Variants in PRKG1 observed in about 807,000 individuals in gnomAD.
PRKG1 encodes protein kinase cGMP-dependent 1.
In PRKG1, 35 loss-of-function variants were observed where a neutral mutation model predicts 88.1. The observed-to-expected ratio is 0.40, with a 90% CI of 0.30 to 0.53. The LOEUF (loss-of-function observed/expected upper bound fraction) is 0.53, where lower values mean the gene tolerates loss of function less well. Ranked by LOEUF, PRKG1 falls within the 20% of genes least tolerant of loss-of-function variation. PRKG1 has a pLI of 0.59. For synonymous variants in PRKG1, 303 were observed against 292.5 expected (o/e 1.04, Z -0.37); for missense variants, 540 against 839.8 (o/e 0.64, Z 4.41).
intron 1 of PRKG1, among the ~76,000 whole-genome samples, chr10:50,992,978 T>G (rs1005114879): frequency 2.6e-5 from 4 of 152,162 alleles, no homozygotes; most frequent in Non-Finnish European, 5.9e-5. Context: ...TCCCCCTCTC[T>G]CCGTTTAGCT....
chr10:52,083,606 A>G (rs1164770920), intron 7 of PRKG1, among the ~76,000 whole-genome samples: 1 of 152,076 alleles, frequency 6.6e-6, no homozygotes, highest in Admixed American at 6.6e-5. Flanking sequence ...TTATTCATGT[A>G]AAATTGCCGC....
chr10:52,133,712 C>A (rs2132635003), intron 7 of PRKG1, 128 bp from the exon 8 acceptor site: 10 of 712,482 alleles, frequency 1.4e-5, no homozygotes, highest in Non-Finnish European at 6.6e-6. Flanking sequence ...ATAAACAAAG[C>A]TTAAGCCTGG....
At chr10:51,689,914 A>G (rs561933084) in intron 3 of PRKG1, among the ~76,000 whole-genome samples, 2 of 152,340 alleles carry the variant, frequency 1.3e-5, no homozygotes, top group South Asian at 4.1e-4. Flanking sequence ...ACATTGGTAT[A>G]CTTAAGGCTT....
At chr10:51,650,861 A>T (rs538414809) in intron 3 of PRKG1, among the ~76,000 whole-genome samples, 1 of 152,074 alleles carries the variant, frequency 6.6e-6, no homozygotes, top group South Asian at 2.1e-4. Flanking sequence ...GTTCAACTGG[A>T]CTCATCAGTT....
rs528137248 is a variant in PRKG1 at position 51,132,997 on chromosome 10, T to C, written c.312-20167T>C. 9.2e-5 allele frequency among the ~76,000 whole-genome samples: 14 copies of C among 152,066 alleles called. No homozygotes were observed. The South Asian group carries it at 1.7e-3, about 18-fold the overall frequency. On this transcript the variant is annotated intron_variant, in intron 1 of 17. Transcript: ENST00000373980. The stretch of plus-strand genomic sequence containing the variant: ...GATCTACTAAATCCAAATCTCTGGG[T>C]TGGAGGCTTGGTGTCTGCATTTTAA...
At chr10:51,229,926 C>CAAAAAAAAAAAAAAAAAAA (rs35300789) in intron 2 of PRKG1, among the ~76,000 whole-genome samples, 1 of 33,572 alleles carries the variant, frequency 3.0e-5, no homozygotes, top group African/African-American at 8.3e-5. Flanking sequence ...GAGGCGATCT[C>CAAAAAAAAAAAAAAAAAAA]AAAAAAAAAA....
intron 1 of PRKG1, among the ~76,000 whole-genome samples, chr10:51,013,440 G>A (rs144311573): frequency 0.027 from 4,116 of 152,264 alleles, 79 homozygotes; most frequent in Admixed American, 0.045. Context: ...GCTCAGGCTG[G>A]AGTGCAGTGG....
intron 1 of PRKG1, among the ~76,000 whole-genome samples, chr10:51,147,449 A>G (rs148808218): frequency 1.4e-5 from 2 of 146,150 alleles, no homozygotes; most frequent in African/African-American, 2.6e-5. Flanking sequence ...GAAAAAAAAA[A>G]CGAAGGAAAA....
chr10:51,542,713 C>T (rs1169834706), intron 3 of PRKG1, among the ~76,000 whole-genome samples: 1 of 152,042 alleles, frequency 6.6e-6, no homozygotes, highest in Non-Finnish European at 1.5e-5. Context: ...GGCTGGAAAC[C>T]ATTTTGTGTC....
intron 3 of PRKG1, among the ~76,000 whole-genome samples, chr10:51,764,199 C>T (rs1463180036): frequency 6.6e-6 from 1 of 152,152 alleles, no homozygotes; most frequent in African/African-American, 2.4e-5. Flanking sequence ...TCACATAAAA[C>T]ATTCTAAAAC....
chr10:51,998,339 A>G (rs1241822808), intron 5 of PRKG1, among the ~76,000 whole-genome samples: 2 of 152,044 alleles, frequency 1.3e-5, no homozygotes, highest in Admixed American at 6.6e-5. Context: ...TGGGAGCTCC[A>G]TTCACCCATC....
At chr10:52,219,731 T>C (rs573334970) in intron 9 of PRKG1, among the ~76,000 whole-genome samples, 1 of 152,328 alleles carries the variant, frequency 6.6e-6, no homozygotes, top group East Asian at 1.9e-4. Flanking sequence ...TACATATAAA[T>C]ACTGAGGGCA....
chr10:51,727,825 A>C (rs1842173444), intron 3 of PRKG1, among the ~76,000 whole-genome samples: 2 of 152,154 alleles, frequency 1.3e-5, no homozygotes, highest in Non-Finnish European at 2.9e-5. Flanking sequence ...AATATATTGA[A>C]GTCTAAAAGA....
chr10:51,529,331 C>T (rs1242841116), intron 3 of PRKG1, among the ~76,000 whole-genome samples: 1 of 152,134 alleles, frequency 6.6e-6, no homozygotes, highest in African/African-American at 2.4e-5. Context: ...TTTATCCATA[C>T]TGCAGCCCCA....
At chr10:51,454,072 A>G (rs763970634) in intron 2 of PRKG1, among the ~76,000 whole-genome samples, 1 of 152,092 alleles carries the variant, frequency 6.6e-6, no homozygotes, top group Non-Finnish European at 1.5e-5. Flanking sequence ...AAACTTACAA[A>G]ACACTGCTGA....
chr10:51,741,586 C>T (rs549360834), intron 3 of PRKG1, among the ~76,000 whole-genome samples: 38 of 152,034 alleles, frequency 2.5e-4, no homozygotes, highest in African/African-American at 8.9e-4. Flanking sequence ...AGTTTTAAGA[C>T]GTCCACAAGG....
At chr10:51,354,415 T>C (rs1842320411) in intron 2 of PRKG1, among the ~76,000 whole-genome samples, 1 of 152,168 alleles carries the variant, frequency 6.6e-6, no homozygotes, top group Non-Finnish European at 1.5e-5. Flanking sequence ...AAAAATATCA[T>C]GTACCTTATA....
At chr10:51,388,407 A>G (rs1314805478) in intron 2 of PRKG1, among the ~76,000 whole-genome samples, 1 of 152,164 alleles carries the variant, frequency 6.6e-6, no homozygotes, top group South Asian at 2.1e-4. Flanking sequence ...TACACCACAC[A>G]AATCTCTTTT....
chr10:51,470,259 A>G (rs1395702795), intron 3 of PRKG1, among the ~76,000 whole-genome samples: 1 of 151,822 alleles, frequency 6.6e-6, no homozygotes, highest in Non-Finnish European at 1.5e-5. Context: ...CAACTTGTCC[A>G]TATTTTCCTG....
Sources: gnomAD v4.1 joint callset for allele counts (sites outside exome capture counted in the v4.1 genomes callset) on GRCh38, gnomAD v4.1.1 for gene constraint, MANE v1.5 for transcripts, NCBI Gene and HGNC (gene_info 2026-07-23, HGNC 2026-07-21) for gene names.